DLC1: variants seen among roughly 807,000 people sequenced by gnomAD.
The protein encoded by DLC1 is DLC1 Rho GTPase activating protein.
In DLC1, 54 loss-of-function variants were observed where a neutral mutation model predicts 140.3. The ratio of observed to expected loss-of-function variants is 0.38; its 90% confidence interval spans 0.31 to 0.48. DLC1 has a LOEUF of 0.48. Ranked by LOEUF, DLC1 falls within the 20% of genes least tolerant of loss-of-function variation. The pLI is 0.96. For synonymous variants in DLC1, 986 were observed against 728.1 expected (o/e 1.35, Z -5.70); for missense variants, 2,536 against 1,907.0 (o/e 1.33, Z -6.14).
chr8:13,083,763 T>C lies in DLC1; in HGVS notation c.*2048A>G, dbSNP rs188942904. ...GGTTTCCTGTTTGGGAGTGGGTGGC[T>C]CAGTTGCAGTTTGGCCTTGGAATGA... On this transcript the variant is annotated 3_prime_UTR_variant, in exon 18 of 18. Coordinates refer to ENST00000276297, the MANE Select transcript of DLC1 (RefSeq NM_182643.3). 4.6e-5 allele frequency: 7 copies of C among 152,788 alleles called. No individual in the cohort carries two copies. Among genetic ancestry groups the C allele is most frequent in the Admixed American group, 1.3e-4 (2 of 15,300 alleles). 9.5% of individuals were successfully genotyped at this position (152,788 alleles called of 1,614,324 possible). A position where few individuals can be genotyped will look rare whatever the true frequency, so the allele number is the denominator to read the frequency against.
At position 13,466,790 on chromosome 8, in the gene DLC1, A is replaced by G. The variant is rs747519370; in HGVS notation, c.1023+32259T>C. Among the ~76,000 whole-genome samples, 61 of 152,196 alleles carry G rather than the reference A, an allele frequency of 4.0e-4. 1 individual carries two copies. In the Middle Eastern group the frequency reaches 0.014, roughly 34 times the overall value. ...TGTACATTAGATTTTTTCAGGCTTT[A>G]TTTTTTAATCATTAAAAACTCAAAC... On this transcript the variant is annotated intron_variant, in intron 2 of 17. Coordinates refer to ENST00000276297, the MANE Select transcript of DLC1 (RefSeq NM_182643.3).
chr8:13,404,363 G>A (rs1837430314), intron 2 of DLC1, among the ~76,000 whole-genome samples: 2 of 152,120 alleles, frequency 1.3e-5, no homozygotes, highest in African/African-American at 4.8e-5. Context: ...TGGAAGAAAT[G>A]TGCATAATTG....
chr8:13,179,449 G>A (rs532171520), intron 5 of DLC1, among the ~76,000 whole-genome samples: 33 of 152,180 alleles, frequency 2.2e-4, no homozygotes, highest in African/African-American at 3.6e-4. Context: ...GGCTGATTGC[G>A]GAGGCTCACA....
chr8:13,328,297 C>G (rs1833450811), intron 4 of DLC1, among the ~76,000 whole-genome samples: 1 of 152,192 alleles, frequency 6.6e-6, no homozygotes, highest in Non-Finnish European at 1.5e-5. Context: ...AAAGAACTGA[C>G]TGCTGATTTG....
At chr8:13,567,973 T>A (rs1299277122) in intron 1 of DLC1, 4 of 1,498,742 alleles carry the variant, frequency 2.7e-6, no homozygotes, top group South Asian at 1.4e-5. Context: ...GTCTTTGTTG[T>A]GTATTTGAGT....
At chr8:13,333,350 C>G (rs1021288552) in intron 4 of DLC1, among the ~76,000 whole-genome samples, 2 of 152,142 alleles carry the variant, frequency 1.3e-5, no homozygotes, top group African/African-American at 2.4e-5. Flanking sequence ...CTCAGCCTCC[C>G]GAGTAGCTGA....
intron 1 of DLC1, among the ~76,000 whole-genome samples, chr8:13,551,490 C>G (rs1033436991): frequency 2.6e-5 from 4 of 152,026 alleles, no homozygotes; most frequent in African/African-American, 9.7e-5. Context: ...TTCCCTCCAA[C>G]CTCTTTCACA....
intron 2 of DLC1, among the ~76,000 whole-genome samples, chr8:13,405,036 C>A (rs2117267549): frequency 6.6e-6 from 1 of 151,906 alleles, no homozygotes; most frequent in African/African-American, 2.4e-5. Context: ...ATTTTGTGTA[C>A]TTCTGGAGGA....
chr8:13,355,426 C>G (rs1401012813), intron 4 of DLC1, among the ~76,000 whole-genome samples: 1 of 152,192 alleles, frequency 6.6e-6, no homozygotes, highest in Non-Finnish European at 1.5e-5. Flanking sequence ...ACTAAAACAA[C>G]AGAAATTTAT....
chr8:13,348,876 G>C (rs566582890), intron 4 of DLC1, among the ~76,000 whole-genome samples: 55 of 152,154 alleles, frequency 3.6e-4, no homozygotes, highest in Non-Finnish European at 7.2e-4. Context: ...TTCTTGAGGA[G>C]GGCAGTGGGG....
At chr8:13,547,452 A>G (rs1211945581) in intron 1 of DLC1, among the ~76,000 whole-genome samples, 5 of 151,968 alleles carry the variant, frequency 3.3e-5, no homozygotes, top group Non-Finnish European at 7.4e-5. Context: ...TACTCACCCA[A>G]CACAGTCTAT....
intron 5 of DLC1, among the ~76,000 whole-genome samples, chr8:13,175,988 T>C (rs1051554315): frequency 2.0e-5 from 3 of 152,246 alleles, no homozygotes. Context: ...ACATCTTTAT[T>C]GTAAATGGAG....
intron 2 of DLC1, among the ~76,000 whole-genome samples, chr8:13,403,479 C>A (rs958295058): frequency 6.6e-6 from 1 of 152,124 alleles, no homozygotes; most frequent in Non-Finnish European, 1.5e-5. Flanking sequence ...TATATAATTT[C>A]TTTTTCTTTT....
chr8:13,092,554 G>T, intron 13 of DLC1, 58 bp downstream of exon 13: 3 of 1,566,724 alleles, frequency 1.9e-6, no homozygotes, highest in African/African-American at 1.3e-5. Context: ...GCTACGGAGA[G>T]TCCTAGGAAG....
At chr8:13,567,640 C>A in intron 1 of DLC1, 1 of 1,551,604 alleles carries the variant, frequency 6.4e-7, no homozygotes, top group Non-Finnish European at 8.7e-7. Flanking sequence ...CTTTCTGAAA[C>A]AAAAGAAGAC....
chr8:13,491,943 G>T (rs1801265823), intron 2 of DLC1, among the ~76,000 whole-genome samples: 1 of 152,190 alleles, frequency 6.6e-6, no homozygotes, highest in Admixed American at 6.5e-5. Context: ...CGGACACAAG[G>T]TTGAATAATT....
chr8:13,398,933 G>C (rs1837171352), intron 3 of DLC1, among the ~76,000 whole-genome samples: 1 of 152,162 alleles, frequency 6.6e-6, no homozygotes, highest in African/African-American at 2.4e-5. Context: ...AGAAGAGGAA[G>C]GCAAGAGTGT....
At chr8:13,444,201 C>T (rs1194656620) in intron 2 of DLC1, among the ~76,000 whole-genome samples, 1 of 152,010 alleles carries the variant, frequency 6.6e-6, no homozygotes, top group Non-Finnish European at 1.5e-5. Flanking sequence ...CTCCCATTGA[C>T]AGACAACCAA....
intron 1 of DLC1, among the ~76,000 whole-genome samples, chr8:13,523,553 C>T (rs932384324): frequency 6.6e-6 from 1 of 151,988 alleles, no homozygotes; most frequent in African/African-American, 2.4e-5. Context: ...GAATCTCAAA[C>T]GTATTTGCAA....
Sources: allele counts gnomAD v4.1 joint callset (sites outside exome capture counted in the v4.1 genomes callset), GRCh38; gene constraint gnomAD v4.1.1; transcripts MANE v1.5; gene names NCBI Gene and HGNC (gene_info 2026-07-23, HGNC 2026-07-21).